Variants in NKAIN3 observed in about 807,000 individuals in gnomAD.
NKAIN3 encodes sodium/potassium-transporting ATPase subunit beta-1-interacting protein 3.
NKAIN3 carries 25 observed loss-of-function variants against 30.2 expected under a neutral mutation model. That is an observed-to-expected ratio of 0.83 (90% CI 0.60 to 1.16). NKAIN3 has a LOEUF of 1.16. Among genes scored for constraint, NKAIN3 ranks in the 50% most tolerant of loss-of-function variants. The pLI, the probability that NKAIN3 is intolerant of heterozygous loss-of-function variation, is 0.00. For missense variants in NKAIN3, 225 were observed against 254.1 expected (o/e 0.89, Z 0.78); for synonymous variants, 91 against 89.6 (o/e 1.02, Z -0.09).
chr8:62,964,344 G>C (rs1823645537), intron 6 of NKAIN3, among the ~76,000 whole-genome samples: 1 of 152,168 alleles, frequency 6.6e-6, no homozygotes, highest in Non-Finnish European at 1.5e-5. Context: ...CTATGTAGTA[G>C]GTACTGTGTT....
chr8:62,432,627 A>G (rs747024465), intron 1 of NKAIN3, among the ~76,000 whole-genome samples: 1 of 152,074 alleles, frequency 6.6e-6, no homozygotes, highest in Non-Finnish European at 1.5e-5. Context: ...ATCACTATCT[A>G]AAGTGTAATG....
At chr8:62,682,610 C>T (rs762629044) in intron 3 of NKAIN3, among the ~76,000 whole-genome samples, 3 of 152,108 alleles carry the variant, frequency 2.0e-5, no homozygotes, top group Non-Finnish European at 4.4e-5. Context: ...TGCCTGGAAA[C>T]GAACTAGATG....
chr8:62,423,614 C>T (rs528697034), intron 1 of NKAIN3, among the ~76,000 whole-genome samples: 21 of 151,670 alleles, frequency 1.4e-4, no homozygotes, highest in East Asian at 3.9e-4. Flanking sequence ...TTGGCTTCTT[C>T]GCAAGCTTTT....
intron 1 of NKAIN3, among the ~76,000 whole-genome samples, chr8:62,465,417 C>A (rs1392039463): frequency 6.6e-6 from 1 of 152,136 alleles, no homozygotes; most frequent in African/African-American, 2.4e-5. Flanking sequence ...AGGAAAAAAA[C>A]AAGGGCCTAA....
chr8:62,289,821 A>G (rs1259141010), intron 1 of NKAIN3, among the ~76,000 whole-genome samples: 1 of 152,154 alleles, frequency 6.6e-6, no homozygotes, highest in Non-Finnish European at 1.5e-5. Flanking sequence ...GAATCTATAA[A>G]TTACCTTGGG....
At chr8:62,814,582 C>G (rs1396962481) in intron 4 of NKAIN3, among the ~76,000 whole-genome samples, 1 of 152,044 alleles carries the variant, frequency 6.6e-6, no homozygotes, top group African/African-American at 2.4e-5. Context: ...GAAACTCACT[C>G]AAAACCACTC....
At chr8:62,318,442 A>G (rs973762995) in intron 1 of NKAIN3, among the ~76,000 whole-genome samples, 3 of 152,170 alleles carry the variant, frequency 2.0e-5, no homozygotes, top group African/African-American at 7.2e-5. Flanking sequence ...TTTGTCATAG[A>G]TACCTCTTAT....
rs1823915649 is a variant in NKAIN3 at position 62,975,155 on chromosome 8, T to A, written c.*9748T>A. Among the ~76,000 whole-genome samples the A allele has an allele frequency of 6.6e-6, 1 of 152,328 alleles. No homozygotes were observed. The stretch of plus-strand genomic sequence containing the variant: ...GTTGTGTCTCTGCCTGGGATTGGTA[T>A]CAGAATGATGCTGGCCTCAAAATAT... On this transcript the variant is annotated 3_prime_UTR_variant, in exon 7 of 7. Coordinates refer to ENST00000623646, the MANE Select transcript of NKAIN3 (RefSeq NM_001304533.3).
chr8:62,834,617 C>G (rs1357653204), intron 4 of NKAIN3, among the ~76,000 whole-genome samples: 1 of 151,784 alleles, frequency 6.6e-6, no homozygotes, highest in African/African-American at 2.4e-5. Flanking sequence ...AGGAATACAT[C>G]TAACCAAGGA....
chr8:62,739,062 A>C (rs1023519800), intron 3 of NKAIN3, among the ~76,000 whole-genome samples: 1 of 152,170 alleles, frequency 6.6e-6, no homozygotes, highest in African/African-American at 2.4e-5. Flanking sequence ...GCAATTGAAC[A>C]ATGAGAACAC....
chr8:62,685,909 T>C (rs1813787713), intron 3 of NKAIN3, among the ~76,000 whole-genome samples: 1 of 152,240 alleles, frequency 6.6e-6, no homozygotes, highest in African/African-American at 2.4e-5. Flanking sequence ...TCTCCAAAGC[T>C]TTCCTCATGA....
At chr8:62,524,290 T>C (rs1284568002) in intron 1 of NKAIN3, among the ~76,000 whole-genome samples, 1 of 151,994 alleles carries the variant, frequency 6.6e-6, no homozygotes, top group African/African-American at 2.4e-5. Flanking sequence ...AAGTAATTGT[T>C]TTTAAGAATA....
At chr8:62,719,753 CTTTTT>C (rs60637445) in intron 3 of NKAIN3, among the ~76,000 whole-genome samples, 2 of 90,470 alleles carry the variant, frequency 2.2e-5, no homozygotes, top group African/African-American at 8.1e-5. Flanking sequence ...ACATTTCTTT[CTTTTT>C]TTTTTTTTTT....
intron 4 of NKAIN3, among the ~76,000 whole-genome samples, chr8:62,850,164 C>A (rs944876527): frequency 6.6e-6 from 1 of 151,890 alleles, no homozygotes; most frequent in African/African-American, 2.4e-5. Flanking sequence ...GTGTGAGATG[C>A]TATCTCATTG....
At chr8:62,298,643 T>C (rs1813926720) in intron 1 of NKAIN3, among the ~76,000 whole-genome samples, 1 of 152,140 alleles carries the variant, frequency 6.6e-6, no homozygotes, top group Admixed American at 6.6e-5. Flanking sequence ...TCCTCCTCGG[T>C]AAGCCATGTG....
chr8:62,376,524 CCTT>C (rs1451897065), intron 1 of NKAIN3, among the ~76,000 whole-genome samples: 2 of 152,126 alleles, frequency 1.3e-5, no homozygotes. Context: ...CCAGGTGAGT[CCTT>C]CTTCTTAGTC....
chr8:62,680,824 C>G (rs1813623757), intron 3 of NKAIN3, among the ~76,000 whole-genome samples: 1 of 151,920 alleles, frequency 6.6e-6, no homozygotes, highest in African/African-American at 2.4e-5. Flanking sequence ...ATAAATTTTC[C>G]TTGCTGATTT....
intron 4 of NKAIN3, among the ~76,000 whole-genome samples, chr8:62,793,901 T>A (rs1817770928): frequency 6.6e-6 from 1 of 152,124 alleles, no homozygotes; most frequent in Non-Finnish European, 1.5e-5. Flanking sequence ...AGCCCAAGGT[T>A]GGGGGGAAAT....
chr8:62,277,089 C>T (rs975076396), intron 1 of NKAIN3, among the ~76,000 whole-genome samples: 5 of 151,904 alleles, frequency 3.3e-5, no homozygotes, highest in East Asian at 1.9e-4. Flanking sequence ...ATATGGAAAG[C>T]GTTTTTCAGA....
Sources: allele counts gnomAD v4.1 joint callset (sites outside exome capture counted in the v4.1 genomes callset), GRCh38; gene constraint gnomAD v4.1.1; transcripts MANE v1.5; gene names NCBI Gene and HGNC (gene_info 2026-07-23, HGNC 2026-07-21).